Variants in RERE observed in about 807,000 individuals in gnomAD.
RERE encodes the protein arginine-glutamic acid dipeptide repeats protein.
RERE carries 40 observed loss-of-function variants against 146.1 expected under a neutral mutation model. That is an observed-to-expected ratio of 0.27 (90% CI 0.21 to 0.36). The LOEUF (loss-of-function observed/expected upper bound fraction) is 0.36. RERE is among the 10% of genes least tolerant of loss of function. The pLI, the probability that RERE is intolerant of heterozygous loss-of-function variation, is 1.00. For missense variants in RERE, 1,933 were observed against 2,138.7 expected, an observed-to-expected ratio of 0.90 and a Z score of 1.90; for synonymous variants, 1,003 against 866.0, an observed-to-expected ratio of 1.16 and a Z score of -2.78.
chr1:8,673,375 C>T (rs1331819653), intron 1 of RERE, among the ~76,000 whole-genome samples: 2 of 152,148 alleles, frequency 1.3e-5, no homozygotes, highest in Non-Finnish European at 2.9e-5. Flanking sequence ...GGATTACAGG[C>T]GTGAGCCACT....
chr1:8,509,043 T>C (rs1438517534), intron 7 of RERE, among the ~76,000 whole-genome samples: 1 of 152,082 alleles, frequency 6.6e-6, no homozygotes, highest in Admixed American at 6.6e-5. Context: ...GCCTCCAGAG[T>C]AGCTAGGATT....
chr1:8,744,508 A>C (rs1640380380), intron 1 of RERE, among the ~76,000 whole-genome samples: 1 of 152,220 alleles, frequency 6.6e-6, no homozygotes, highest in South Asian at 2.1e-4. Flanking sequence ...CATACACAGC[A>C]ATGTAACTGA....
chr1:8,359,074 G>A (rs964957058), intron 19 of RERE, among the ~76,000 whole-genome samples, 158 bp from the exon 20 acceptor site: 2 of 152,186 alleles, frequency 1.3e-5, no homozygotes, highest in South Asian at 2.1e-4. Context: ...CTGACACCAG[G>A]ATGCAGTCCA....
At chr1:8,782,269 G>A (rs1168512994) in intron 1 of RERE, among the ~76,000 whole-genome samples, 2 of 151,914 alleles carry the variant, frequency 1.3e-5, no homozygotes, top group Non-Finnish European at 2.9e-5. Flanking sequence ...GCTTGAATAC[G>A]TTTTTCTCAT....
In RERE at chr1:8,359,956, G is replaced by C. The variant is rs1641489456; in HGVS notation, c.3426C>G (p.Asn1142Lys). 5 of 1,612,988 alleles carry C rather than the reference G, an allele frequency of 3.1e-6. No homozygotes were observed. Among genetic ancestry groups the C allele is most frequent in the Non-Finnish European group, 4.2e-6 (5 of 1,180,030 alleles). The change falls in exon 19 of 23, where the codon AAC (asparagine) becomes AAG (lysine). Residue 1142 changes from asparagine to lysine, a missense_variant. Physicochemically the swap from Asn to Lys is moderately conservative, Grantham distance 94. Coordinates refer to ENST00000400908, the MANE Select transcript of RERE (RefSeq NM_001042681.2). Reference protein sequence around the residue: ...RFYKHLDRGYNSCARTDLYFM... With the variant: ...RFYKHLDRGYKSCARTDLYFM... ...AGTACAGGTCTGTCCGGGCACACGA[G>C]TTGTAGCCCCGGTCCAGGTGTTTGT...
intron 2 of RERE, among the ~76,000 whole-genome samples, chr1:8,646,576 C>G (rs796962266): frequency 2.0e-5 from 3 of 151,708 alleles, no homozygotes; most frequent in African/African-American, 7.3e-5. Flanking sequence ...ACAGGGTCAT[C>G]ATTGCCAATG....
At chr1:8,436,222 G>A (rs1273706229) in intron 11 of RERE, among the ~76,000 whole-genome samples, 1 of 152,206 alleles carries the variant, frequency 6.6e-6, no homozygotes, top group Non-Finnish European at 1.5e-5. Context: ...GGGAGGCTGA[G>A]GCAGGAGAAT....
At chr1:8,573,480 CTTATT>C (rs1217442787) in intron 4 of RERE, among the ~76,000 whole-genome samples, 3 of 152,186 alleles carry the variant, frequency 2.0e-5, no homozygotes, top group African/African-American at 7.2e-5. Flanking sequence ...CCCTAGTTCA[CTTATT>C]TTAAGTGACA....
At chr1:8,386,006 ATATATATATATATATATTTTTTTTTT>A (rs1251387278) in intron 12 of RERE, among the ~76,000 whole-genome samples, 27 of 38,272 alleles carry the variant, frequency 7.1e-4, no homozygotes, top group Non-Finnish European at 8.8e-4. Context: ...ATATATATAT[ATATATATATATATATATTTTTTTTTT>A]TTTTTTTTTT....
intron 1 of RERE, among the ~76,000 whole-genome samples, chr1:8,701,576 A>C (rs905189511): frequency 6.6e-6 from 1 of 152,180 alleles, no homozygotes; most frequent in Non-Finnish European, 1.5e-5. Context: ...CACTTCTCGC[A>C]GATGCATTGC....
chr1:8,507,735 A>ATTTTTTTT (rs1404147445), intron 8 of RERE, among the ~76,000 whole-genome samples: 6 of 41,402 alleles, frequency 1.4e-4, no homozygotes, highest in African/African-American at 7.1e-4. Context: ...AACATCTTTT[A>ATTTTTTTT]TCTTTTTTTT....
chr1:8,624,812 A>G (rs1646955315), intron 2 of RERE, among the ~76,000 whole-genome samples: 1 of 152,260 alleles, frequency 6.6e-6, no homozygotes, highest in Non-Finnish European at 1.5e-5. Context: ...TTTGTAATAA[A>G]TATTTTGTGA....
At chr1:8,510,800 T>G (rs1645325166) in intron 7 of RERE, among the ~76,000 whole-genome samples, 1 of 152,220 alleles carries the variant, frequency 6.6e-6, no homozygotes, top group South Asian at 2.1e-4. Context: ...TGCCTGCAGC[T>G]CAACCTTTGG....
intron 7 of RERE, among the ~76,000 whole-genome samples, chr1:8,510,051 G>A (rs769634575): frequency 1.3e-5 from 2 of 152,146 alleles, no homozygotes; most frequent in African/African-American, 2.4e-5. Flanking sequence ...AAGAAGAGGA[G>A]GAAGAAGGGG....
intron 1 of RERE, among the ~76,000 whole-genome samples, chr1:8,783,788 A>C (rs998848001): frequency 2.0e-4 from 30 of 152,150 alleles, no homozygotes; most frequent in African/African-American, 6.5e-4. Flanking sequence ...ACATTCCCCC[A>C]GCCCCTTACC....
chr1:8,741,718 C>A (rs967654531), intron 1 of RERE, among the ~76,000 whole-genome samples: 7 of 152,174 alleles, frequency 4.6e-5, no homozygotes, highest in African/African-American at 1.7e-4. Context: ...AACCTATTTC[C>A]TTTATAAATT....
chr1:8,745,663 C>T lies in RERE; in HGVS notation c.-145+71497G>A, dbSNP rs146662094. ...CTAAACTCCTTAATACTCTAATATA[C>T]GGATTGGACCTCTGTCCTCAGCCCC... On this transcript the variant is annotated intron_variant, in intron 1 of 22. Transcript: ENST00000400908. Among the ~76,000 whole-genome samples the T allele has an allele frequency of 5.6e-3, 847 of 152,300 alleles. 8 individuals carry two copies. Among genetic ancestry groups the T allele is most frequent in the African/African-American group, 0.019 (789 of 41,564 alleles).
At chr1:8,398,625 G>C (rs1448408953) in intron 12 of RERE, among the ~76,000 whole-genome samples, 2 of 152,066 alleles carry the variant, frequency 1.3e-5, no homozygotes, top group Non-Finnish European at 2.9e-5. Context: ...TGACTCCCCA[G>C]TGAAGTATTC....
intron 4 of RERE, among the ~76,000 whole-genome samples, chr1:8,564,814 ATGTGTGTGTATATGTGTATGTGTGTGTG>A (rs1646125315): frequency 1.0e-5 from 1 of 100,168 alleles, no homozygotes; most frequent in Non-Finnish European, 2.2e-5. Flanking sequence ...GTGTGTATGT[ATGTGTGTGTATATGTGTATGTGTGTGTG>A]TGTGTGTGTG....
Sources: gnomAD v4.1 joint callset for allele counts (sites outside exome capture counted in the v4.1 genomes callset) on GRCh38, gnomAD v4.1.1 for gene constraint, MANE v1.5 for transcripts, NCBI Gene and HGNC (gene_info 2026-07-23, HGNC 2026-07-21) for gene names.